CCDC177: variants seen among roughly 807,000 people sequenced by gnomAD.
CCDC177 encodes the protein coiled-coil domain-containing protein 177.
In CCDC177, 2 loss-of-function variants were observed where a neutral mutation model predicts 7.3. That is an observed-to-expected ratio of 0.28 (90% confidence interval 0.11 to 0.87). CCDC177 has a LOEUF of 0.87. Among genes scored for constraint, CCDC177 ranks in the 40% least tolerant of loss-of-function variants. The pLI is 0.61. For synonymous variants in CCDC177, 401 were observed against 449.2 expected (o/e 0.89, Z 1.36); for missense variants, 874 against 970.5 (o/e 0.90, Z 1.32).
rs554835573 is a variant in CCDC177 at position 69,574,679 on chromosome 14, C to A, written c.-166G>T. ...CCGTGAAAGGAGCCCCATCTGCCGC[C>A]GCCAGCGTCTCTCCATGGGGTCTGC... On this transcript the variant is annotated 5_prime_UTR_variant, in exon 1 of 2. Coordinates refer to ENST00000599174, the MANE Select transcript of CCDC177 (RefSeq NM_001271507.2). 1 of 152,336 alleles carries A rather than the reference C, an allele frequency of 6.6e-6. No homozygotes were observed. Among genetic ancestry groups the A allele is most frequent in the African/African-American group, 2.4e-5 (1 of 41,570 alleles). The allele number at this position is 152,336 out of a possible 1,614,324, so 9.4% of individuals were successfully genotyped here.
At chr14:69,574,396 C>G (rs1407067678) in intron 1 of CCDC177, 146 bp downstream of exon 1, 1 of 152,282 alleles carries the variant, frequency 6.6e-6, no homozygotes, top group Non-Finnish European at 1.5e-5. Context: ...GCTAAAGATA[C>G]CATCCACCCC....
Position 69,573,038 on chromosome 14 carries a change from G to T in CCDC177, c.585C>A (p.Ser195Arg). The T allele has an allele frequency of 8.1e-7, 1 of 1,227,762 alleles. No homozygotes were observed. Among genetic ancestry groups the T allele is most frequent in the Non-Finnish European group, 1.0e-6 (1 of 986,210 alleles). The allele number at this position is 1,227,762 out of a possible 1,614,324, so 76.1% of individuals were successfully genotyped here. A position where few individuals can be genotyped will look rare whatever the true frequency, so the allele number is the denominator to read the frequency against. ...CACGCGGCGCGGGCGAGGCCGGGAGGCTGGCGCTGCTGCAGCTGCTGCTGC... is the reference window on the plus strand; with the variant it reads ...CACGCGGCGCGGGCGAGGCCGGGAGTCTGGCGCTGCTGCAGCTGCTGCTGC... ...AGSSSSCSSA[S>R]LPASPAPRAA... Residue 195 changes from serine to arginine, a missense_variant, in exon 2 of 2, where the codon AGC (serine) becomes AGA (arginine). Coordinates refer to ENST00000599174, the MANE Select transcript of CCDC177 (RefSeq NM_001271507.2).
At position 69,573,025 on chromosome 14, in the gene CCDC177, G is replaced by T. The variant is rs1190338344; in HGVS notation, c.598C>A (p.Pro200Thr). The T allele has an allele frequency of 5.7e-6, 7 of 1,229,496 alleles. No individual in the cohort carries two copies. Among genetic ancestry groups the T allele is most frequent in the Admixed American group, 4.2e-5 (1 of 23,564 alleles). The allele number at this position is 1,229,496 out of a possible 1,614,324, so 76.2% of individuals were successfully genotyped here. ...SCSSASLPAS[P>T]APRAARKASP... ...GCCTTGCGGGCCGCACGCGGCGCGG[G>T]CGAGGCCGGGAGGCTGGCGCTGCTG... is the stretch of plus-strand genomic sequence containing the variant. The change falls in exon 2 of 2, where the codon CCC becomes ACC. Residue 200 changes from proline (P) to threonine (T), a missense_variant. Physicochemically the swap from Pro to Thr is conservative, Grantham distance 38. Coordinates refer to ENST00000599174, the MANE Select transcript of CCDC177 (RefSeq NM_001271507.2).
rs1167281730 is a variant in CCDC177 at position 69,572,533 on chromosome 14, C to T, written c.1090G>A (p.Gly364Ser). 24 of 1,230,954 alleles carry T rather than the reference C, an allele frequency of 1.9e-5. No homozygotes were observed. The highest frequency in any genetic ancestry group is 8.4e-5 in the Admixed American group (2 of 23,672). 76.3% of individuals were successfully genotyped at this position (1,230,954 alleles called of 1,614,324 possible). Reference sequence around the variant, plus strand: ...TGCACGCGCTGCAGCTCCCACTGGCCGTGGGCAGCCGCGCGTTGCTCCAGC... The same window carrying T: ...TGCACGCGCTGCAGCTCCCACTGGCTGTGGGCAGCCGCGCGTTGCTCCAGC... Reference protein sequence around the residue: ...LLLEQRAAAHGQWELQRVHAK... With the variant: ...LLLEQRAAAHSQWELQRVHAK... The change falls in exon 2 of 2, where the codon GGC becomes AGC. Residue 364 changes from glycine (G) to serine (S), a missense_variant. Coordinates refer to ENST00000599174, the MANE Select transcript of CCDC177 (RefSeq NM_001271507.2).
rs1884345444 is a variant in CCDC177 at position 69,572,371 on chromosome 14, G to A, written c.1252C>T (p.Gln418Ter). ...TCCTCGCTGCGCTCGTACTGCCGCTGCCGCCGCCGCGCCGCCTCGCGCTCT... is the reference window on the plus strand; with the variant it reads ...TCCTCGCTGCGCTCGTACTGCCGCTACCGCCGCCGCGCCGCCTCGCGCTCT... ...REEREAARRR[Q>*]RQYERSEERR... Residue 418 changes from glutamine to a stop codon, truncating the protein, a stop_gained, in exon 2 of 2, where the codon CAG (glutamine) becomes TAG (stop). Coordinates refer to ENST00000599174, the MANE Select transcript of CCDC177 (RefSeq NM_001271507.2). LOFTEE classifies it low-confidence loss of function (END_TRUNC). 8.2e-7 allele frequency: 1 copy of A among 1,220,140 alleles called. No individual in the cohort carries two copies. The highest frequency in any genetic ancestry group is 1.0e-6 in the Non-Finnish European group (1 of 980,734). 75.6% of individuals were successfully genotyped at this position (1,220,140 alleles called of 1,614,324 possible). A position where few individuals can be genotyped will look rare whatever the true frequency, so the allele number is the denominator to read the frequency against.
rs1232427727 is a variant in CCDC177, at chr14:69,572,244, T to C, written c.1379A>G (p.Asn460Ser). The C allele has an allele frequency of 3.3e-6, 4 of 1,229,288 alleles. No homozygotes were observed. The highest frequency in any genetic ancestry group is 4.2e-5 in the Admixed American group (1 of 23,574). 76.1% of individuals were successfully genotyped at this position (1,229,288 alleles called of 1,614,324 possible). Residue 460 changes from asparagine (N) to serine (S), a missense_variant, in exon 2 of 2, where the codon AAC becomes AGC. Coordinates refer to ENST00000599174, the MANE Select transcript of CCDC177 (RefSeq NM_001271507.2). The part of the protein sequence containing the change: ...DRLRKLQQEQ[N>S]LKQREEGLQE... ...TAGACCTTCCTCACGTTGCTTCAGG[T>C]TCTGCTCCTGCTGAAGCTTGCGCAG... is the stretch of plus-strand genomic sequence containing the variant.
intron 1 of CCDC177, among the ~76,000 whole-genome samples, chr14:69,574,083 A>G (rs1884389387): frequency 6.6e-6 from 1 of 152,246 alleles, no homozygotes; most frequent in South Asian, 2.1e-4. Context: ...CAGGAACAAA[A>G]AAGCAAGAGG....
chr14:69,574,358 GCA>G (rs1239453571), intron 1 of CCDC177, among the ~76,000 whole-genome samples, 182 bp downstream of exon 1: 2 of 152,166 alleles, frequency 1.3e-5, no homozygotes, highest in Non-Finnish European at 2.9e-5. Context: ...ACTCTCAGAC[GCA>G]CCGGATCTCC....
Position 69,572,631 on chromosome 14 carries a change from A to T in CCDC177, c.992T>A (p.Leu331Gln). 1 of 1,231,256 alleles carries T rather than the reference A, an allele frequency of 8.1e-7. No individual in the cohort carries two copies. Among genetic ancestry groups the T allele is most frequent in the Non-Finnish European group, 1.0e-6 (1 of 987,618 alleles). The allele number at this position is 1,231,256 out of a possible 1,614,324, so 76.3% of individuals were successfully genotyped here. A position where few individuals can be genotyped will look rare whatever the true frequency, so the allele number is the denominator to read the frequency against. The stretch of plus-strand genomic sequence containing the variant: ...CCGGTCACGCTCCGGCACCCCGCGC[A>T]GGCCGCGCTCTGCACGCACTTGACG... Reference protein sequence around the residue: ...IVRQVRAERGLRGVPERDRKI... With the variant: ...IVRQVRAERGQRGVPERDRKI... Residue 331 changes from leucine (L) to glutamine (Q), a missense_variant, in exon 2 of 2, where the codon CTG becomes CAG. Transcript: ENST00000599174.
chr14:69,571,399 C>T lies in CCDC177; in HGVS notation c.*100G>A. 1.2e-6 allele frequency: 1 copy of T among 826,340 alleles called. No homozygotes were observed. The allele number at this position is 826,340 out of a possible 1,614,324, so 51.2% of individuals were successfully genotyped here. Reference sequence around the variant, plus strand: ...CTCATTGGTCAGAAGCCTCGAGAGGCCACCGCGCTGCGCACCGAGCGGGGA... The same window carrying T: ...CTCATTGGTCAGAAGCCTCGAGAGGTCACCGCGCTGCGCACCGAGCGGGGA... On this transcript the variant is annotated 3_prime_UTR_variant, in exon 2 of 2. Coordinates refer to ENST00000599174, the MANE Select transcript of CCDC177 (RefSeq NM_001271507.2).
Position 69,573,100 on chromosome 14 carries a change from C to T in CCDC177, c.523G>A (p.Ala175Thr), listed in dbSNP as rs1884369212. ...TPLSPAAAAA[A>T]AAAAASAPSA... is the part of the protein sequence containing the mutation. Reference sequence around the variant, plus strand: ...GGGGCCGAGGCCGCGGCGGCGGCGGCGGCGGCGGCGGCCGCGGGGCTCAAA... The same window carrying T: ...GGGGCCGAGGCCGCGGCGGCGGCGGTGGCGGCGGCGGCCGCGGGGCTCAAA... Residue 175 changes from alanine to threonine, a missense_variant, in exon 2 of 2, where the codon GCC (alanine) becomes ACC (threonine). Coordinates refer to ENST00000599174, the MANE Select transcript of CCDC177 (RefSeq NM_001271507.2). 1.6e-6 allele frequency: 2 copies of T among 1,218,814 alleles called. No individual in the cohort carries two copies. 75.5% of individuals were successfully genotyped at this position (1,218,814 alleles called of 1,614,324 possible).
chr14:69,574,293 G>A (rs1259646619), intron 1 of CCDC177, among the ~76,000 whole-genome samples: 3 of 151,960 alleles, frequency 2.0e-5, no homozygotes, highest in East Asian at 3.9e-4. Context: ...CGCCGCCTCC[G>A]CCCCCACCTC....
chr14:69,574,022 G>A (rs1884388421), intron 1 of CCDC177, among the ~76,000 whole-genome samples: 2 of 150,968 alleles, frequency 1.3e-5, no homozygotes, highest in East Asian at 3.8e-4. Flanking sequence ...TTCCCGGGAG[G>A]ATTAGCGTAT....
At position 69,572,486 on chromosome 14, in the gene CCDC177, G is replaced by A; in HGVS notation, c.1137C>T (p.Arg379=). 8.1e-7 allele frequency: 1 copy of A among 1,230,218 alleles called. No individual in the cohort carries two copies. Among genetic ancestry groups the A allele is most frequent in the Non-Finnish European group, 1.0e-6 (1 of 987,110 alleles). 76.2% of individuals were successfully genotyped at this position (1,230,218 alleles called of 1,614,324 possible). A position where few individuals can be genotyped will look rare whatever the true frequency, so the allele number is the denominator to read the frequency against. ...GGGCGCGCTGCTTCTCCCGCTCCTC[G>A]CGCTCCCGCCGCTGCTTGGCGTGCA... is the stretch of plus-strand genomic sequence containing the variant. ...QRVHAKQRRE[R]EEREKQRALE... is the part of the protein sequence containing the mutation. The change falls in exon 2 of 2, where the codon CGC becomes CGT. Residue 379 remains arginine, a synonymous_variant. Coordinates refer to ENST00000599174, the MANE Select transcript of CCDC177 (RefSeq NM_001271507.2).
In CCDC177 at chr14:69,572,671, C is replaced by T. The variant is rs1301605621; in HGVS notation, c.952G>A (p.Val318Met). ...LSHSPQTAQHVERIVRQVRAE... is the reference protein window; with the variant it reads ...LSHSPQTAQHMERIVRQVRAE... Reference sequence around the variant, plus strand: ...CGCACTTGACGCACGATGCGCTCCACGTGCTGAGCGGTCTGCGGCGAATGG... The same window carrying T: ...CGCACTTGACGCACGATGCGCTCCATGTGCTGAGCGGTCTGCGGCGAATGG... The change falls in exon 2 of 2, where the codon GTG becomes ATG. Residue 318 changes from valine (V) to methionine (M), a missense_variant. Coordinates refer to ENST00000599174, the MANE Select transcript of CCDC177 (RefSeq NM_001271507.2). The T allele has an allele frequency of 3.2e-6, 4 of 1,231,248 alleles. No individual in the cohort carries two copies. Among genetic ancestry groups the T allele is most frequent in the Non-Finnish European group, 4.0e-6 (4 of 987,678 alleles). The allele number at this position is 1,231,248 out of a possible 1,614,324, so 76.3% of individuals were successfully genotyped here.
chr14:69,574,362 CG>C (rs750086375), intron 1 of CCDC177, among the ~76,000 whole-genome samples, 179 bp downstream of exon 1: 4 of 152,184 alleles, frequency 2.6e-5, no homozygotes, highest in African/African-American at 4.8e-5. Context: ...TCAGACGCAC[CG>C]GATCTCCTCC....
chr14:69,571,469 C>T lies in CCDC177; in HGVS notation c.*30G>A. ...TTGAGGGAGGCCCCAGGGGGCTGTG[C>T]GTGCCAATCTGGCTGGCAAAGAGCC... is the stretch of plus-strand genomic sequence containing the variant. On this transcript the variant is annotated 3_prime_UTR_variant, in exon 2 of 2. Transcript: ENST00000599174. 8.1e-7 allele frequency: 1 copy of T among 1,237,646 alleles called. No individual in the cohort carries two copies. The highest frequency in any genetic ancestry group is 1.0e-6 in the Non-Finnish European group (1 of 986,480). The allele number at this position is 1,237,646 out of a possible 1,614,324, so 76.7% of individuals were successfully genotyped here.
At position 69,573,084 on chromosome 14, in the gene CCDC177, G is replaced by T; in HGVS notation, c.539C>A (p.Ala180Asp). 1 of 1,103,322 alleles carries T rather than the reference G, an allele frequency of 9.1e-7. No individual in the cohort carries two copies. The highest frequency in any genetic ancestry group is 1.1e-6 in the Non-Finnish European group (1 of 926,712). The allele number at this position is 1,103,322 out of a possible 1,614,324, so 68.3% of individuals were successfully genotyped here. Residue 180 changes from alanine (A) to aspartate (D), a missense_variant, in exon 2 of 2, where the codon GCC (alanine) becomes GAC (aspartate). Transcript: ENST00000599174. ...AAAAAAAAAAASAPSAGSSSS... is the reference protein window; with the variant it reads ...AAAAAAAAAADSAPSAGSSSS... Reference sequence around the variant, plus strand: ...GCTGCTGCCCGCGCTCGGGGCCGAGGCCGCGGCGGCGGCGGCGGCGGCGGC... The same window carrying T: ...GCTGCTGCCCGCGCTCGGGGCCGAGTCCGCGGCGGCGGCGGCGGCGGCGGC...
In CCDC177 at chr14:69,572,119, G is replaced by T. The variant is rs1159986181; in HGVS notation, c.1504C>A (p.Arg502=). 7 of 1,231,096 alleles carry T rather than the reference G, an allele frequency of 5.7e-6. No homozygotes were observed. The African/African-American group carries it at 9.3e-5, about 16-fold the overall frequency. The allele number at this position is 1,231,096 out of a possible 1,614,324, so 76.3% of individuals were successfully genotyped here. Residue 502 remains arginine, a synonymous_variant, in exon 2 of 2, where the codon CGG becomes AGG. Transcript: ENST00000599174. ...RQEGQLQREK[R]ELSRAERARH... is the part of the protein sequence containing the mutation. ...GCCCGCTCGGCCCGGCTCAGCTCCC[G>T]CTTCTCCCGCTGCAGCTGGCCCTCC...
Sources: gnomAD v4.1 joint callset for allele counts (sites outside exome capture counted in the v4.1 genomes callset) on GRCh38, gnomAD v4.1.1 for gene constraint, MANE v1.5 for transcripts, NCBI Gene and HGNC (gene_info 2026-07-23, HGNC 2026-07-21) for gene names.